Variants in RBMS3 observed in about 807,000 individuals in gnomAD.
RBMS3 encodes the protein RNA-binding motif, single-stranded-interacting protein 3.
RBMS3 carries 27 observed loss-of-function variants against 66.8 expected under a neutral mutation model. The observed-to-expected ratio is 0.40, with a 90% CI of 0.30 to 0.56. RBMS3 has a LOEUF of 0.56. RBMS3 is among the 20% of genes least tolerant of loss of function. RBMS3 has a pLI of 0.40. For synonymous variants in RBMS3, 188 were observed against 183.0 expected, an observed-to-expected ratio of 1.03 and a Z score of -0.22; for missense variants, 513 against 549.5, an observed-to-expected ratio of 0.93 and a Z score of 0.66.
intron 4 of RBMS3, among the ~76,000 whole-genome samples, chr3:29,684,712 A>G (rs1398202385): frequency 6.6e-6 from 1 of 151,954 alleles, no homozygotes; most frequent in Non-Finnish European, 1.5e-5. Flanking sequence ...CAATTTTTTA[A>G]CATTGCATAT....
rs564879394 is a variant in RBMS3 at position 29,402,117 on chromosome 3, G to A, written c.76-32626G>A. Among the ~76,000 whole-genome samples, 14 of 151,992 alleles carry A rather than the reference G, an allele frequency of 9.2e-5. 1 individual carries two copies. The highest frequency in any genetic ancestry group is 2.9e-5 in the Non-Finnish European group (2 of 67,906). On this transcript the variant is annotated intron_variant, in intron 1 of 14. Transcript: ENST00000383767. ...CACAGTGTTGACTTTTTACATTGAC[G>A]GTGATGAAAAAAAGCCCTTGGTAAT...
chr3:29,948,851 A>C (rs1385692276), intron 12 of RBMS3, among the ~76,000 whole-genome samples: 1 of 151,740 alleles, frequency 6.6e-6, no homozygotes, highest in Non-Finnish European at 1.5e-5. Flanking sequence ...CAGTGCTACA[A>C]AAAACTAAGG....
chr3:29,563,936 G>A (rs2046645932), intron 3 of RBMS3, among the ~76,000 whole-genome samples: 1 of 151,048 alleles, frequency 6.6e-6, no homozygotes, highest in Admixed American at 6.6e-5. Context: ...AGCATCATTT[G>A]AGCCTGGAAG....
intron 1 of RBMS3, among the ~76,000 whole-genome samples, chr3:29,423,698 C>T (rs918144219): frequency 6.6e-6 from 1 of 152,156 alleles, no homozygotes; most frequent in African/African-American, 2.4e-5. Flanking sequence ...TCAGTACCCA[C>T]GTATGTTTTT....
At chr3:29,921,307 G>T (rs2060773130) in intron 10 of RBMS3, among the ~76,000 whole-genome samples, 1 of 151,696 alleles carries the variant, frequency 6.6e-6, no homozygotes, top group African/African-American at 2.4e-5. Context: ...CAAGTGATCT[G>T]CCTGCCTCAG....
intron 1 of RBMS3, 115 bp downstream of exon 1, chr3:29,281,871 T>G: frequency 1.2e-6 from 1 of 818,512 alleles, no homozygotes; most frequent in Non-Finnish European, 1.9e-6. Flanking sequence ...TTCTTCCTGC[T>G]TCTTTGAAAT....
chr3:29,884,467 T>TC (rs1559767361), intron 8 of RBMS3, among the ~76,000 whole-genome samples: 4 of 74,790 alleles, frequency 5.3e-5, no homozygotes, highest in African/African-American at 1.7e-4. Flanking sequence ...TCTCTCTCTC[T>TC]CTCCCCCCCC....
At chr3:29,283,051 C>G (rs907405657) in intron 1 of RBMS3, among the ~76,000 whole-genome samples, 1 of 152,108 alleles carries the variant, frequency 6.6e-6, no homozygotes, top group Non-Finnish European at 1.5e-5. Flanking sequence ...CCCTCCTGCT[C>G]GGTGCCTTAA....
chr3:29,544,227 A>C (rs994534683), intron 3 of RBMS3, among the ~76,000 whole-genome samples: 1 of 152,208 alleles, frequency 6.6e-6, no homozygotes, highest in Admixed American at 6.5e-5. Context: ...GCTAGAGTTT[A>C]ATATCACACA....
At chr3:29,958,699 A>T (rs1696205948) in intron 12 of RBMS3, among the ~76,000 whole-genome samples, 1 of 152,198 alleles carries the variant, frequency 6.6e-6, no homozygotes, top group Non-Finnish European at 1.5e-5. Context: ...CATTTGAAGA[A>T]TTAAATTAAT....
At chr3:29,989,448 C>T (rs924258398) in intron 13 of RBMS3, among the ~76,000 whole-genome samples, 1 of 152,188 alleles carries the variant, frequency 6.6e-6, no homozygotes, top group Non-Finnish European at 1.5e-5. Context: ...AGCTGGGAAT[C>T]CCCTGCAGCT....
chr3:29,833,636 T>TA (rs535583710), intron 6 of RBMS3, among the ~76,000 whole-genome samples: 3 of 151,352 alleles, frequency 2.0e-5, no homozygotes, highest in Non-Finnish European at 4.4e-5. Flanking sequence ...CCATCAGAGA[T>TA]AAAAAAGAAA....
At chr3:29,992,039 A>C (rs1352743702) in intron 14 of RBMS3, among the ~76,000 whole-genome samples, 1 of 152,226 alleles carries the variant, frequency 6.6e-6, no homozygotes, top group Non-Finnish European at 1.5e-5. Flanking sequence ...TATTGAAACC[A>C]AAAGAATTTA....
chr3:29,895,377 G>A (rs186171022), intron 8 of RBMS3, among the ~76,000 whole-genome samples: 1 of 151,486 alleles, frequency 6.6e-6, no homozygotes, highest in East Asian at 1.9e-4. Context: ...CCACAATCAA[G>A]ATGTAGAACA....
intron 4 of RBMS3, among the ~76,000 whole-genome samples, chr3:29,690,176 G>A (rs943071304): frequency 5.3e-5 from 8 of 152,120 alleles, no homozygotes; most frequent in African/African-American, 9.6e-5. Flanking sequence ...CTGGCCAGGC[G>A]TGGTGGCTCA....
Position 29,408,367 on chromosome 3 carries a change from G to A in RBMS3, c.76-26376G>A, listed in dbSNP as rs140073162. The stretch of plus-strand genomic sequence containing the variant: ...GAATCACAGATCTCTTTTGACTTAA[G>A]TTTTTGATTAAGCACTTAATCTGTC... On this transcript the variant is annotated intron_variant, in intron 1 of 14. Coordinates refer to ENST00000383767, the MANE Select transcript of RBMS3 (RefSeq NM_001003793.3). 4.0e-3 allele frequency among the ~76,000 whole-genome samples: 600 copies of A among 150,794 alleles called. 5 individuals carry two copies. Among genetic ancestry groups the A allele is most frequent in the African/African-American group, 0.014 (566 of 41,120 alleles).
chr3:29,930,391 C>G (rs1347070063), intron 10 of RBMS3, among the ~76,000 whole-genome samples: 1 of 151,816 alleles, frequency 6.6e-6, no homozygotes, highest in Non-Finnish European at 1.5e-5. Context: ...GGATTACAGG[C>G]GTGAGCCACT....
intron 4 of RBMS3, among the ~76,000 whole-genome samples, chr3:29,618,660 C>T (rs978238019): frequency 6.6e-6 from 1 of 151,142 alleles, no homozygotes; most frequent in South Asian, 2.1e-4. Context: ...AACTTTTTGA[C>T]AGAAAAAAAA....
At chr3:29,995,083 C>A (rs1401536177) in intron 14 of RBMS3, among the ~76,000 whole-genome samples, 6 of 152,156 alleles carry the variant, frequency 3.9e-5, no homozygotes, top group African/African-American at 1.4e-4. Flanking sequence ...CTTAAAGGAG[C>A]TGATGGAGCT....
Sources: allele counts gnomAD v4.1 joint callset (sites outside exome capture counted in the v4.1 genomes callset), GRCh38; gene constraint gnomAD v4.1.1; transcripts MANE v1.5; gene names NCBI Gene and HGNC (gene_info 2026-07-23, HGNC 2026-07-21).